CLDN16: variants seen among roughly 807,000 people sequenced by gnomAD.
CLDN16 encodes claudin 16, also known as claudin-16.
Under a neutral mutation model 24.6 loss-of-function variants are expected in CLDN16, and 13 were observed. The ratio of observed to expected loss-of-function variants is 0.53; its 90% CI spans 0.34 to 0.84. The LOEUF is 0.84. Ranked by LOEUF, CLDN16 falls within the 40% of genes least tolerant of loss-of-function variation. The pLI, the probability that CLDN16 is intolerant of heterozygous loss-of-function variation, is 0.01. For missense variants in CLDN16, 298 were observed against 292.7 expected (o/e 1.02, Z -0.13); for synonymous variants, 116 against 106.7 (o/e 1.09, Z -0.54).
the CLDN16 span, among the ~76,000 whole-genome samples, chr3:190,292,246 C>T: frequency 6.6e-6 from 1 of 152,222 alleles, no homozygotes; most frequent in South Asian, 2.1e-4. Context: ...GTTCCCAAAC[C>T]TCAATTCTTG....
At position 190,392,963 on chromosome 3, in the gene CLDN16, T is replaced by C. The variant is rs146116072; in HGVS notation, c.114+4520T>C. 2.6e-4 allele frequency among the ~76,000 whole-genome samples: 39 copies of C among 152,116 alleles called. No homozygotes were observed. The East Asian group carries it at 7.0e-3, about 27-fold the overall frequency. On this transcript the variant is annotated intron_variant, in intron 1 of 4. Coordinates refer to ENST00000264734, the MANE Select transcript of CLDN16 (RefSeq NM_006580.4). ...GTGGGGAGAGATTGGAAGGGTAAAA[T>C]GAGGTATGGGGAGAACAACTAGGAG...
At chr3:190,312,775 A>G in the CLDN16 span, 3 of 1,388,982 alleles carry the variant, frequency 2.2e-6, no homozygotes, top group Non-Finnish European at 3.1e-6. Context: ...AGTTTGCCTT[A>G]GAGACTGAAA....
chr3:190,390,151 C>A (rs1020555148), intron 1 of CLDN16, among the ~76,000 whole-genome samples: 4 of 152,196 alleles, frequency 2.6e-5, no homozygotes, highest in Non-Finnish European at 5.9e-5. Context: ...TAAACCCTTG[C>A]TAACCTTGAA....
intron 1 of CLDN16, among the ~76,000 whole-genome samples, chr3:190,350,469 AT>A (rs940222638): frequency 6.6e-6 from 1 of 152,014 alleles, no homozygotes; most frequent in African/African-American, 2.4e-5. Flanking sequence ...GCAACTAAGA[AT>A]TGCTAATTTT....
chr3:190,401,492 C>T (rs551073086), intron 1 of CLDN16, among the ~76,000 whole-genome samples: 15 of 152,298 alleles, frequency 9.8e-5, no homozygotes, highest in African/African-American at 3.1e-4. Flanking sequence ...GTTCCATATG[C>T]GTGAGCTCTA....
upstream of CLDN16, chr3:190,388,137 A>G (rs1378331193): frequency 1.2e-6 from 2 of 1,613,862 alleles, no homozygotes; most frequent in South Asian, 2.2e-5. Context: ...CCAGGACCCC[A>G]CTGTTGGTTA....
intron 1 of CLDN16, among the ~76,000 whole-genome samples, chr3:190,337,879 C>A (rs1257552936): frequency 6.6e-6 from 1 of 152,150 alleles, no homozygotes; most frequent in Non-Finnish European, 1.5e-5. Flanking sequence ...GGGAACATGG[C>A]AAAGATATCC....
chr3:190,359,701 C>T (rs777625565), intron 1 of CLDN16, among the ~76,000 whole-genome samples: 2 of 151,974 alleles, frequency 1.3e-5, no homozygotes, highest in Non-Finnish European at 2.9e-5. Flanking sequence ...TTCAAAGTAG[C>T]ATGGGAGCAC....
chr3:190,350,839 T>C (rs1235610070), intron 1 of CLDN16, among the ~76,000 whole-genome samples: 1 of 152,214 alleles, frequency 6.6e-6, no homozygotes, highest in Admixed American at 6.5e-5. Context: ...GGGTTCACTA[T>C]GATTTTGCTC....
intron 1 of CLDN16, among the ~76,000 whole-genome samples, chr3:190,323,619 G>T (rs1716993645): frequency 6.6e-6 from 1 of 152,108 alleles, no homozygotes; most frequent in African/African-American, 2.4e-5. Context: ...CTTGGAAGCA[G>T]AAATAAACAT....
At chr3:190,406,240 C>A (rs1046807936) in intron 3 of CLDN16, among the ~76,000 whole-genome samples, 2 of 152,144 alleles carry the variant, frequency 1.3e-5, no homozygotes, top group East Asian at 3.8e-4. Flanking sequence ...GTTAAGTCAA[C>A]GTCCTAATAA....
At chr3:190,370,875 A>C (rs922790815) in intron 1 of CLDN16, 2 of 151,698 alleles carry the variant, frequency 1.3e-5, no homozygotes, top group Admixed American at 6.6e-5. Context: ...CCCAGCCTAC[A>C]TCTTTCTCCT....
At chr3:190,342,973 A>T (rs183989469) in intron 1 of CLDN16, among the ~76,000 whole-genome samples, 1 of 152,328 alleles carries the variant, frequency 6.6e-6, no homozygotes, top group Non-Finnish European at 1.5e-5. Flanking sequence ...ACTATATCAA[A>T]TCAAAAAGCT....
chr3:190,382,095 A>G (rs1718383069), intron 3 of CLDN16, among the ~76,000 whole-genome samples: 1 of 152,108 alleles, frequency 6.6e-6, no homozygotes, highest in African/African-American at 2.4e-5. Context: ...CTATTTCATA[A>G]TGAACATAGG....
chr3:190,404,290 A>G (rs1185786262), intron 2 of CLDN16, among the ~76,000 whole-genome samples: 1 of 152,152 alleles, frequency 6.6e-6, no homozygotes, highest in Non-Finnish European at 1.5e-5. Flanking sequence ...GTCTTGAAAT[A>G]TTTTATTCTG....
chr3:190,333,336 A>G (rs1036740698), intron 1 of CLDN16, among the ~76,000 whole-genome samples: 3 of 152,186 alleles, frequency 2.0e-5, no homozygotes, highest in Non-Finnish European at 4.4e-5. Flanking sequence ...TCTAAGACTT[A>G]TTCAGATTCT....
the CLDN16 span, among the ~76,000 whole-genome samples, chr3:190,297,261 C>G: frequency 5.9e-5 from 9 of 151,554 alleles, no homozygotes; most frequent in African/African-American, 1.9e-4. Flanking sequence ...GTCACATCAA[C>G]AGAAAATGTC....
upstream of CLDN16, among the ~76,000 whole-genome samples, chr3:190,386,386 A>T (rs1223470034): frequency 6.6e-6 from 1 of 152,150 alleles, no homozygotes; most frequent in Non-Finnish European, 1.5e-5. Flanking sequence ...CTTCTCCTTG[A>T]GGAATATGTT....
chr3:190,319,451 A>C (rs1322741843), upstream of CLDN16, among the ~76,000 whole-genome samples: 1 of 152,216 alleles, frequency 6.6e-6, no homozygotes, highest in Non-Finnish European at 1.5e-5. Context: ...TACCTAAAAG[A>C]AGAAGCCTTG....
Sources: allele counts gnomAD v4.1 joint callset (sites outside exome capture counted in the v4.1 genomes callset), GRCh38; gene constraint gnomAD v4.1.1; transcripts MANE v1.5; gene names NCBI Gene and HGNC (gene_info 2026-07-23, HGNC 2026-07-21).